The following GPHN variants were observed in gnomAD, a reference collection of about 807,000 sequenced individuals.
The protein encoded by GPHN is gephyrin.
A neutral mutation model predicts 95.5 loss-of-function variants in GPHN; 17 were observed. That is an observed-to-expected ratio of 0.18 (90% CI 0.12 to 0.27). The LOEUF is 0.27. Ranked by LOEUF, GPHN falls within the 10% of genes least tolerant of loss-of-function variation. The pLI is 1.00. For missense variants in GPHN, 660 were observed against 978.1 expected (o/e 0.67, Z 4.34); for synonymous variants, 320 against 322.5 (o/e 0.99, Z 0.08).
chr14:67,415,895 C>T, the GPHN span, among the ~76,000 whole-genome samples: 1 of 152,212 alleles, frequency 6.6e-6, no homozygotes, highest in African/African-American at 2.4e-5. Context: ...CCAAACATCG[C>T]ATGGTCTCAC....
chr14:67,527,134 G>A, the GPHN span, among the ~76,000 whole-genome samples: 13,458 of 152,222 alleles, frequency 0.088, 751 homozygotes, highest in African/African-American at 0.16. Flanking sequence ...CCCCGCAAGG[G>A]AACCCACACA....
chr14:67,727,402 G>C, the GPHN span: 1 of 535,228 alleles, frequency 1.9e-6, no homozygotes, highest in Non-Finnish European at 3.4e-6. Flanking sequence ...AAGTTACCTT[G>C]TATTTGTGTC....
At chr14:66,641,187 G>T (rs2064384106) in intron 1 of GPHN, among the ~76,000 whole-genome samples, 1 of 152,134 alleles carries the variant, frequency 6.6e-6, no homozygotes, top group Non-Finnish European at 1.5e-5. Flanking sequence ...TGACGTAACG[G>T]TGGTGCAAAA....
intron 2 of GPHN, among the ~76,000 whole-genome samples, chr14:66,772,485 T>C (rs1039139790): frequency 1.1e-4 from 17 of 152,352 alleles, no homozygotes; most frequent in South Asian, 6.2e-4. Context: ...CATTATTTGG[T>C]TGAGCCCAAT....
At chr14:66,645,551 C>T (rs1309438777) in intron 1 of GPHN, among the ~76,000 whole-genome samples, 1 of 151,634 alleles carries the variant, frequency 6.6e-6, no homozygotes, top group Non-Finnish European at 1.5e-5. Flanking sequence ...AGTTAGCCAG[C>T]CGTGGTGGTG....
At chr14:66,733,624 A>C (rs931782718) in intron 2 of GPHN, among the ~76,000 whole-genome samples, 1 of 152,070 alleles carries the variant, frequency 6.6e-6, no homozygotes, top group African/African-American at 2.4e-5. Flanking sequence ...TTATTTACTG[A>C]TATATTAAAA....
chr14:67,048,178 A>G (rs1262289742), intron 10 of GPHN, among the ~76,000 whole-genome samples: 1 of 152,224 alleles, frequency 6.6e-6, no homozygotes, highest in Non-Finnish European at 1.5e-5. Context: ...TTTCTACATC[A>G]TAGATAGTGT....
chr14:67,130,818 T>C (rs1349247765), intron 17 of GPHN, among the ~76,000 whole-genome samples: 1 of 152,160 alleles, frequency 6.6e-6, no homozygotes, highest in Non-Finnish European at 1.5e-5. Context: ...TGGTCTCTCA[T>C]TGTGGTTTTG....
intron 1 of GPHN, among the ~76,000 whole-genome samples, chr14:66,633,796 T>A (rs2063954208): frequency 6.6e-6 from 1 of 152,166 alleles, no homozygotes; most frequent in African/African-American, 2.4e-5. Flanking sequence ...TTGTATCCCA[T>A]CAGATTGCTT....
At chr14:66,797,367 A>G (rs547149922) in intron 3 of GPHN, among the ~76,000 whole-genome samples, 2 of 152,024 alleles carry the variant, frequency 1.3e-5, no homozygotes, top group African/African-American at 4.8e-5. Context: ...ATTTCTGTAT[A>G]GAGTAACATT....
chr14:66,906,852 A>T (rs1237970139), intron 5 of GPHN, among the ~76,000 whole-genome samples: 1 of 152,270 alleles, frequency 6.6e-6, no homozygotes, highest in Middle Eastern at 3.4e-3. Flanking sequence ...TATAATTTCA[A>T]TTCTTTTAAA....
At chr14:67,412,320 A>G in the GPHN span, 200,212 of 400,930 alleles carry the variant, frequency 0.5, 53,652 homozygotes, top group African/African-American at 0.84. Context: ...AGAGCGGCCA[A>G]CCCCGCCCCA....
chr14:66,606,587 T>C (rs745758137), intron 1 of GPHN, among the ~76,000 whole-genome samples: 5 of 152,194 alleles, frequency 3.3e-5, no homozygotes, highest in Non-Finnish European at 5.9e-5. Flanking sequence ...TTTAACAATA[T>C]TGATTCTTCC....
chr14:67,456,884 C>T, the GPHN span, among the ~76,000 whole-genome samples: 2 of 152,278 alleles, frequency 1.3e-5, no homozygotes, highest in South Asian at 2.1e-4. Context: ...AACCTAAATG[C>T]TCATTTATGG....
chr14:67,551,395 C>T, the GPHN span, among the ~76,000 whole-genome samples: 2 of 152,154 alleles, frequency 1.3e-5, no homozygotes, highest in African/African-American at 4.8e-5. Context: ...AAGCCATGCA[C>T]ATGTACTTTA....
chr14:66,902,273 G>A (rs1596322914), intron 5 of GPHN, among the ~76,000 whole-genome samples: 1 of 151,926 alleles, frequency 6.6e-6, no homozygotes, highest in Admixed American at 6.6e-5. Context: ...TGTTTTAGTG[G>A]AGTCTCCAGA....
chr14:67,580,492 G>A, the GPHN span, among the ~76,000 whole-genome samples: 2 of 152,244 alleles, frequency 1.3e-5, no homozygotes, highest in Admixed American at 1.3e-4. Flanking sequence ...ACAGGACAAA[G>A]GCTTCTATGG....
intron 1 of GPHN, among the ~76,000 whole-genome samples, chr14:66,629,974 G>C (rs1170475138): frequency 6.6e-6 from 1 of 152,066 alleles, no homozygotes; most frequent in Non-Finnish European, 1.5e-5. Flanking sequence ...ACTTTTTCCT[G>C]GATGTTAACC....
the GPHN span, among the ~76,000 whole-genome samples, chr14:67,540,729 A>T: frequency 6.6e-6 from 1 of 152,154 alleles, no homozygotes; most frequent in African/African-American, 2.4e-5. Flanking sequence ...GACCAAATTT[A>T]TACTTTTTGG....
Sources: allele counts gnomAD v4.1 joint callset (sites outside exome capture counted in the v4.1 genomes callset), GRCh38; gene constraint gnomAD v4.1.1; transcripts MANE v1.5; gene names NCBI Gene and HGNC (gene_info 2026-07-23, HGNC 2026-07-21).